The following GALNT10 variants were observed in gnomAD, a reference collection of about 807,000 sequenced individuals.
The protein encoded by GALNT10 is polypeptide N-acetylgalactosaminyltransferase 10.
GALNT10 carries 41 observed loss-of-function variants against 75.0 expected under a neutral mutation model. The observed-to-expected ratio is 0.55, with a 90% confidence interval of 0.43 to 0.71. GALNT10 has a LOEUF of 0.71. GALNT10 is among the 30% of genes least tolerant of loss of function. The pLI is 0.00. For missense variants in GALNT10, 727 were observed against 818.5 expected, an observed-to-expected ratio of 0.89 and a Z score of 1.36; for synonymous variants, 302 against 313.0, an observed-to-expected ratio of 0.96 and a Z score of 0.37.
chr5:154,244,496 A>C (rs529817417), intron 1 of GALNT10, among the ~76,000 whole-genome samples: 9 of 152,298 alleles, frequency 5.9e-5, no homozygotes, highest in Non-Finnish European at 1.2e-4. Flanking sequence ...TTTTGGGGGA[A>C]TGCTGGATCA....
chr5:154,341,821 C>G (rs1755036374), intron 4 of GALNT10, among the ~76,000 whole-genome samples: 1 of 152,172 alleles, frequency 6.6e-6, no homozygotes, highest in Non-Finnish European at 1.5e-5. Flanking sequence ...TGTCCTTGCC[C>G]CCTTTAGGCT....
chr5:154,235,098 T>C (rs1332745715), intron 1 of GALNT10, among the ~76,000 whole-genome samples: 2 of 152,166 alleles, frequency 1.3e-5, no homozygotes, highest in African/African-American at 4.8e-5. Context: ...AAGAAATCTG[T>C]GGAAGGACAA....
intron 1 of GALNT10, among the ~76,000 whole-genome samples, chr5:154,274,063 G>T (rs153439): frequency 0.072 from 10,964 of 152,212 alleles, 396 homozygotes; most frequent in Middle Eastern, 0.14. Context: ...GGGCATTCTA[G>T]CCCTGTAGCC....
In GALNT10 at chr5:154,380,511, A is replaced by C; in HGVS notation, c.818A>C (p.Asp273Ala). 4 of 1,614,016 alleles carry C rather than the reference A, an allele frequency of 2.5e-6. No individual in the cohort carries two copies. The South Asian group carries it at 4.4e-5, about 18-fold the overall frequency. Residue 273 changes from aspartate to alanine, a missense_variant, in exon 6 of 12, where the codon GAC becomes GCC. Transcript: ENST00000297107. ...ATGATTGATGTAATTGACCATGACG[A>C]CTTTCGGTACGAGACACAGGCAGGG... ...CPMIDVIDHD[D>A]FRYETQAGDA...
At chr5:154,324,601 A>G (rs1373852490) in intron 3 of GALNT10, among the ~76,000 whole-genome samples, 2 of 152,194 alleles carry the variant, frequency 1.3e-5, no homozygotes, top group Non-Finnish European at 2.9e-5. Context: ...TATGGATGTG[A>G]ATATTTTGGG....
rs5872365 is a variant in GALNT10 at position 154,257,671 on chromosome 5, TAA to T, written c.160-37131_160-37130del. Among the ~76,000 whole-genome samples the T allele has an allele frequency of 4.3e-3, 622 of 144,720 alleles. 1 individual carries two copies. Among genetic ancestry groups the T allele is most frequent in the African/African-American group, 6.4e-3 (253 of 39,324 alleles). 94.9% of individuals were successfully genotyped at this position (144,720 alleles called of 152,430 possible). A position where few individuals can be genotyped will look rare whatever the true frequency, so the allele number is the denominator to read the frequency against. Reference sequence around the variant, plus strand: ...TTGGCAACAGAGTGAGACTCCGTTTTAAAAAAAAAAAAAAAGAGAAAAGGAAA... The same window carrying T: ...TTGGCAACAGAGTGAGACTCCGTTTTAAAAAAAAAAAAAGAGAAAAGGAAA... On this transcript the variant is annotated intron_variant, in intron 1 of 11. Coordinates refer to ENST00000297107, the MANE Select transcript of GALNT10 (RefSeq NM_198321.4).
At chr5:154,323,152 G>T (rs1052792047) in intron 3 of GALNT10, among the ~76,000 whole-genome samples, 4 of 152,160 alleles carry the variant, frequency 2.6e-5, no homozygotes, top group Non-Finnish European at 4.4e-5. Context: ...GGCTTTGCGG[G>T]CCACATGGGG....
At chr5:154,360,487 T>C (rs1755368574) in intron 4 of GALNT10, among the ~76,000 whole-genome samples, 1 of 148,270 alleles carries the variant, frequency 6.7e-6, no homozygotes, top group Non-Finnish European at 1.5e-5. Flanking sequence ...CCGCACTGGA[T>C]CCACATGACA....
At chr5:154,230,230 C>T (rs1276654000) in intron 1 of GALNT10, among the ~76,000 whole-genome samples, 2 of 152,186 alleles carry the variant, frequency 1.3e-5, no homozygotes, top group Non-Finnish European at 2.9e-5. Context: ...ATGTGATGCT[C>T]AAACTCCTAT....
At chr5:154,338,795 C>T (rs1754984810) in intron 4 of GALNT10, among the ~76,000 whole-genome samples, 1 of 152,210 alleles carries the variant, frequency 6.6e-6, no homozygotes, top group Admixed American at 6.5e-5. Flanking sequence ...AGGTGTCAAG[C>T]AAGACCAGAA....
chr5:154,404,093 T>C lies in GALNT10; in HGVS notation c.1057-11T>C, dbSNP rs111688691. The C allele has an allele frequency of 1.5e-4, 239 of 1,601,528 alleles. No individual in the cohort carries two copies. The African/African-American group carries it at 2.7e-3, about 18-fold the overall frequency. ...GAAACGTCATCCTCTCTCTTCCTTC[T>C]TGCCATGCAGGTGTGGATGTGTGGG... On this transcript the variant is annotated splice_polypyrimidine_tract_variant and intron_variant, in intron 7 of 11. Transcript: ENST00000297107.
At chr5:154,358,353 A>G (rs1755329650) in intron 4 of GALNT10, among the ~76,000 whole-genome samples, 3 of 152,044 alleles carry the variant, frequency 2.0e-5, no homozygotes, top group Admixed American at 6.6e-5. Context: ...AATAACAATC[A>G]CCACCAACAA....
At chr5:154,330,214 G>A (rs1754834028) in intron 4 of GALNT10, among the ~76,000 whole-genome samples, 2 of 152,200 alleles carry the variant, frequency 1.3e-5, no homozygotes, top group South Asian at 4.1e-4. Context: ...GAGAGCAAAG[G>A]GCACAAAGCC....
At chr5:154,331,527 T>A (rs1258403565) in intron 4 of GALNT10, among the ~76,000 whole-genome samples, 1 of 152,190 alleles carries the variant, frequency 6.6e-6, no homozygotes, top group Non-Finnish European at 1.5e-5. Flanking sequence ...ACCTCTTAGG[T>A]GGCTGTGACT....
intron 7 of GALNT10, among the ~76,000 whole-genome samples, chr5:154,401,916 C>A (rs1036177231): frequency 1.8e-4 from 28 of 152,296 alleles, no homozygotes; most frequent in East Asian, 7.7e-4. Flanking sequence ...TCCTGCCCCC[C>A]ATTCCACAAA....
intron 1 of GALNT10, among the ~76,000 whole-genome samples, chr5:154,287,049 A>C (rs1382712000): frequency 1.3e-5 from 2 of 152,244 alleles, no homozygotes; most frequent in Admixed American, 1.3e-4. Flanking sequence ...TCCTCAGCCT[A>C]TGAAAAGGGG....
intron 8 of GALNT10, among the ~76,000 whole-genome samples, chr5:154,407,207 T>C (rs1179317332): frequency 1.3e-5 from 2 of 152,126 alleles, no homozygotes; most frequent in East Asian, 1.9e-4. Context: ...AGAAGTACAG[T>C]TGGGCCTCAG....
intron 3 of GALNT10, among the ~76,000 whole-genome samples, chr5:154,303,826 A>G (rs575902951): frequency 6.6e-6 from 1 of 152,364 alleles, no homozygotes; most frequent in East Asian, 1.9e-4. Flanking sequence ...ATTATCAGGT[A>G]TGCAAAAAAG....
intron 4 of GALNT10, among the ~76,000 whole-genome samples, chr5:154,356,759 T>C (rs996499743): frequency 2.6e-5 from 4 of 151,756 alleles, no homozygotes; most frequent in Non-Finnish European, 4.4e-5. Flanking sequence ...GGTCCCTCAT[T>C]AGGGAGGAAG....
Sources: allele counts gnomAD v4.1 joint callset (sites outside exome capture counted in the v4.1 genomes callset), GRCh38; gene constraint gnomAD v4.1.1; transcripts MANE v1.5; gene names NCBI Gene and HGNC (gene_info 2026-07-23, HGNC 2026-07-21).